MFSD12: variants seen among roughly 807,000 people sequenced by gnomAD.
The protein encoded by MFSD12 is major facilitator superfamily domain-containing protein 12.
Under a neutral mutation model 51.2 loss-of-function variants are expected in MFSD12, and 67 were observed. The observed-to-expected ratio is 1.31, with a 90% CI of 1.08 to 1.60. The LOEUF is 1.60. Ranked by LOEUF, MFSD12 falls within the 40% of genes most tolerant of loss-of-function variation. MFSD12 has a pLI of 0.00. For missense variants in MFSD12, 921 were observed against 673.0 expected, an observed-to-expected ratio of 1.37 and a Z score of -4.08; for synonymous variants, 441 against 316.7, an observed-to-expected ratio of 1.39 and a Z score of -4.17.
intron 6 of MFSD12, among the ~76,000 whole-genome samples, chr19:3,547,060 G>A (rs531867329): frequency 2.5e-4 from 38 of 152,232 alleles, no homozygotes; most frequent in African/African-American, 3.6e-4. Flanking sequence ...GGATGGTCTC[G>A]ATCTCCTGAC....
At chr19:3,543,140 A>G (rs2030570903), downstream of MFSD12, 4 of 1,512,354 alleles carry the variant, frequency 2.6e-6, 1 homozygote, top group South Asian at 5.0e-5. Flanking sequence ...GCCGTGGGCC[A>G]GGCCTCTACA....
At position 3,557,372 on chromosome 19, in the gene MFSD12, G is replaced by A. The variant is rs1221008885; in HGVS notation, c.32C>T (p.Ala11Val). The A allele has an allele frequency of 1.0e-5, 15 of 1,464,042 alleles. No individual in the cohort carries two copies. Among genetic ancestry groups the A allele is most frequent in the Non-Finnish European group, 1.4e-5 (15 of 1,104,268 alleles). The allele number at this position is 1,464,042 out of a possible 1,614,324, so 90.7% of individuals were successfully genotyped here. The change falls in exon 1 of 10, where the codon GCG becomes GTG. Residue 11 changes from alanine to valine, a missense_variant. Transcript: ENST00000355415. The part of the protein sequence containing the change: MGPGPPAAGA[A>V]PSPRPLSLVA... ...CAGGGACAGCGGCCGCGGGGACGGC[G>A]CCGCTCCGGCCGCTGGGGGTCCCGG...
intron 2 of MFSD12, among the ~76,000 whole-genome samples, chr19:3,548,677 A>G (rs1436769408): frequency 6.8e-6 from 1 of 147,944 alleles, no homozygotes; most frequent in East Asian, 1.9e-4. Context: ...CCGGCCAGGC[A>G]CAGAGTCCCC....
chr19:3,543,612 A>C (rs935251847), downstream of MFSD12: 25 of 1,544,664 alleles, frequency 1.6e-5, no homozygotes, highest in Non-Finnish European at 2.1e-5. Context: ...CCTGCCCAGT[A>C]CCAGGCCCCC....
downstream of MFSD12, chr19:3,542,681 C>T: frequency 8.3e-7 from 1 of 1,205,530 alleles, no homozygotes. Context: ...TGGGGTTTTA[C>T]CATGCTGGCC....
chr19:3,543,994 C>T (rs964540237), downstream of MFSD12: 41 of 1,543,102 alleles, frequency 2.7e-5, no homozygotes, highest in Admixed American at 4.0e-5. Flanking sequence ...CCTTCCCTCA[C>T]ACCCACTCCC....
At chr19:3,554,435 TCAA>T (rs1363410485) in intron 1 of MFSD12, among the ~76,000 whole-genome samples, 8 of 139,462 alleles carry the variant, frequency 5.7e-5, no homozygotes, top group African/African-American at 1.1e-4. Context: ...AGACTCTGTC[TCAA>T]CAACAACAAA....
chr19:3,547,312 G>C lies in MFSD12; in HGVS notation c.983C>G (p.Ser328Cys). The C allele has an allele frequency of 1.2e-6, 2 of 1,613,266 alleles. No homozygotes were observed. Among genetic ancestry groups the C allele is most frequent in the Non-Finnish European group, 1.7e-6 (2 of 1,179,882 alleles). Residue 328 changes from serine to cysteine, a missense_variant, in exon 6 of 10, where the codon TCC becomes TGC. Transcript: ENST00000355415. ...CTTGTTGATGGGCTTCATGAGGAAG[G>C]AGGACAAGAAGCCGCTGAGGTACAT... The part of the protein sequence containing the change: ...LVMYLSGFLS[S>C]FLMKPINKCI...
Position 3,557,257 on chromosome 19 carries a change from C to A in MFSD12, c.147G>T (p.Ser49=). The part of the protein sequence containing the change: ...WFTYLLLYLH[S]VRAYSSRGAG... Reference sequence around the variant, plus strand: ...CGCCGCGGGAGCTGTAGGCGCGCACCGAGTGCAGGTAGAGCAGCAGGTAGG... The same window carrying A: ...CGCCGCGGGAGCTGTAGGCGCGCACAGAGTGCAGGTAGAGCAGCAGGTAGG... The change falls in exon 1 of 10, where the codon TCG becomes TCT. Residue 49 remains serine, a synonymous_variant. Transcript: ENST00000355415. 6.3e-7 allele frequency: 1 copy of A among 1,597,370 alleles called. No homozygotes were observed. Among genetic ancestry groups the A allele is most frequent in the Non-Finnish European group, 8.5e-7 (1 of 1,173,480 alleles).
chr19:3,544,889 A>C lies in MFSD12; in HGVS notation c.1340T>G (p.Val447Gly). ...ACVSFYHWAM[V>G]AVTGGVGVAA... ...CACGCCCACGCCGCCCGTCACAGCC[A>C]CCATCGCCCAGTGGTAAAAGCTCAC... The change falls in exon 9 of 10, where the codon GTG (valine) becomes GGG (glycine). Residue 447 changes from valine to glycine, a missense_variant. Physicochemically the swap from Val to Gly is moderately radical, Grantham distance 109. Transcript: ENST00000355415. The C allele has an allele frequency of 6.2e-7, 1 of 1,611,890 alleles. No homozygotes were observed. The highest frequency in any genetic ancestry group is 2.2e-5 in the East Asian group (1 of 44,854).
chr19:3,556,998 C>G lies in MFSD12; in HGVS notation c.298+108G>C, dbSNP rs528946543. 730 of 852,410 alleles carry G rather than the reference C, an allele frequency of 8.6e-4. 1 individual carries two copies. The highest frequency in any genetic ancestry group is 1.0e-3 in the Non-Finnish European group (692 of 668,156). The allele number at this position is 852,410 out of a possible 1,614,324, so 52.8% of individuals were successfully genotyped here. On this transcript the variant is annotated intron_variant, in intron 1 of 9. Transcript: ENST00000355415. ...GGGACAGACAGACCGAGGGGAGACT[C>G]CGATCCTGAGGCAGGCAGACGGCGG...
At chr19:3,543,756 G>A (rs2030669685), downstream of MFSD12, 2 of 1,491,434 alleles carry the variant, frequency 1.3e-6, no homozygotes, top group Non-Finnish European at 1.8e-6. Context: ...AACTGCCCGG[G>A]GCGATCCAGG....
chr19:3,550,370 G>A (rs1432012795), intron 2 of MFSD12, among the ~76,000 whole-genome samples: 1 of 152,046 alleles, frequency 6.6e-6, no homozygotes, highest in Non-Finnish European at 1.5e-5. Context: ...GCAATATAGT[G>A]AGACCCTGTC....
chr19:3,546,064 C>T lies in MFSD12; in HGVS notation c.1289+10G>A, dbSNP rs182956046. 160 of 1,612,502 alleles carry T rather than the reference C, an allele frequency of 9.9e-5. No homozygotes were observed. The highest frequency in any genetic ancestry group is 7.5e-4 in the South Asian group (68 of 91,070). On this transcript the variant is annotated intron_variant, in intron 8 of 9. Transcript: ENST00000355415. ...AACAAAAGAATGAATGAACGAACAGCGGCACTCACGGGCAAGGGTGCAGGC... is the reference window on the plus strand; with the variant it reads ...AACAAAAGAATGAATGAACGAACAGTGGCACTCACGGGCAAGGGTGCAGGC...
Position 3,547,940 on chromosome 19 carries a change from C to T in MFSD12, c.745G>A (p.Glu249Lys), listed in dbSNP as rs1454405231. Residue 249 changes from glutamate to lysine, a missense_variant, in exon 4 of 10, where the codon GAG becomes AAG. Glu to Lys is a moderately conservative substitution (Grantham distance 56, BLOSUM62 1). Coordinates refer to ENST00000355415, the MANE Select transcript of MFSD12 (RefSeq NM_174983.5). ...AACAGGGGGGTGTGCTCGCCTGGCTCCTCCGCATGCGGCCGGCGCCTCTCC... is the reference window on the plus strand; with the variant it reads ...AACAGGGGGGTGTGCTCGCCTGGCTTCTCCGCATGCGGCCGGCGCCTCTCC... ...TRERRRPHAE[E>K]PGEHTPLLAP... 2 of 1,593,808 alleles carry T rather than the reference C, an allele frequency of 1.3e-6. No homozygotes were observed. Among genetic ancestry groups the T allele is most frequent in the Non-Finnish European group, 1.7e-6 (2 of 1,176,568 alleles).
Position 3,544,928 on chromosome 19 carries a change from C to T in MFSD12, c.1301G>A (p.Cys434Tyr), listed in dbSNP as rs2030845795. ...QSLHPCPSEL[C>Y]CRACVSFYHW... ...GTAAAAGCTCACGCAGGCCCTGCAG[C>T]AGAGCTCTGAGCTGTGGGAGGAGGC... is the stretch of plus-strand genomic sequence containing the variant. Residue 434 changes from cysteine (C) to tyrosine (Y), a missense_variant, in exon 9 of 10, where the codon TGC becomes TAC. By Grantham distance (194) the Cys-to-Tyr change is radical (BLOSUM62 -2). Transcript: ENST00000355415. 3.7e-6 allele frequency: 6 copies of T among 1,609,022 alleles called. No homozygotes were observed. The highest frequency in any genetic ancestry group is 5.1e-6 in the Non-Finnish European group (6 of 1,178,922).
chr19:3,542,980 G>A, downstream of MFSD12: 1 of 1,571,798 alleles, frequency 6.4e-7, no homozygotes, highest in Non-Finnish European at 8.7e-7. Flanking sequence ...AAGAAAAGCT[G>A]AGAACAGAAA....
downstream of MFSD12, among the ~76,000 whole-genome samples, chr19:3,540,920 C>CAG (rs2030345182): frequency 3.4e-5 from 5 of 147,506 alleles, no homozygotes; most frequent in South Asian, 2.1e-4. Context: ...CCTGTAATCC[C>CAG]CACATTTTGG....
chr19:3,541,645 A>G (rs1418967297), downstream of MFSD12: 1 of 984,884 alleles, frequency 1.0e-6, no homozygotes, highest in Admixed American at 6.2e-5. Flanking sequence ...TATTTTTTAA[A>G]AAAATGGAGA....
Sources: allele counts gnomAD v4.1 joint callset (sites outside exome capture counted in the v4.1 genomes callset), GRCh38; gene constraint gnomAD v4.1.1; transcripts MANE v1.5; gene names NCBI Gene and HGNC (gene_info 2026-07-23, HGNC 2026-07-21).